PLCB4: variants seen among roughly 807,000 people sequenced by gnomAD.
The protein encoded by PLCB4 is phospholipase C beta 4.
PLCB4 carries 77 observed loss-of-function variants against 178.8 expected under a neutral mutation model. The observed-to-expected ratio is 0.43, with a 90% CI of 0.36 to 0.52. PLCB4 has a LOEUF of 0.52. Ranked by LOEUF, PLCB4 falls within the 20% of genes least tolerant of loss-of-function variation. PLCB4 has a pLI of 0.00. For missense variants in PLCB4, 1,024 were observed against 1,453.4 expected (o/e 0.70, Z 4.80); for synonymous variants, 496 against 490.8 (o/e 1.01, Z -0.14).
At chr20:9,338,115 T>G (rs1481222322) in intron 6 of PLCB4, 48 bp downstream of exon 6, 2 of 1,247,104 alleles carry the variant, frequency 1.6e-6, no homozygotes, top group African/African-American at 1.5e-5. Flanking sequence ...TTACTTATAT[T>G]GGAAATGGCC....
chr20:9,266,255 T>G (rs1033409301), intron 3 of PLCB4, among the ~76,000 whole-genome samples: 2 of 152,214 alleles, frequency 1.3e-5, no homozygotes, highest in Non-Finnish European at 2.9e-5. Context: ...TCTGCTTTTT[T>G]TTGTTGTTGT....
At chr20:9,326,406 A>G (rs538226631) in intron 4 of PLCB4, among the ~76,000 whole-genome samples, 1 of 152,266 alleles carries the variant, frequency 6.6e-6, no homozygotes, top group South Asian at 2.1e-4. Flanking sequence ...CGTTCTCTGT[A>G]TCTCACTGTC....
chr20:9,113,951 C>T (rs1217720828), intron 2 of PLCB4, among the ~76,000 whole-genome samples: 4 of 152,078 alleles, frequency 2.6e-5, no homozygotes, highest in African/African-American at 7.2e-5. Context: ...CAGTGGCTCA[C>T]GCCTGTAATC....
intron 13 of PLCB4, among the ~76,000 whole-genome samples, chr20:9,382,916 G>T (rs934721902): frequency 6.6e-6 from 1 of 152,158 alleles, no homozygotes; most frequent in African/African-American, 2.4e-5. Flanking sequence ...AAGGAAAGAG[G>T]TATACAAATT....
intron 21 of PLCB4, among the ~76,000 whole-genome samples, chr20:9,406,174 T>C (rs919955970): frequency 1.3e-5 from 2 of 152,242 alleles, no homozygotes; most frequent in East Asian, 1.9e-4. Flanking sequence ...GCATCAATCT[T>C]CTCATGTGGT....
chr20:9,361,664 T>C (rs2035344108), intron 7 of PLCB4, among the ~76,000 whole-genome samples: 1 of 152,174 alleles, frequency 6.6e-6, no homozygotes, highest in African/African-American at 2.4e-5. Flanking sequence ...TTTAACACAA[T>C]TAAAATTAAA....
intron 2 of PLCB4, among the ~76,000 whole-genome samples, chr20:9,106,817 T>C (rs140408499): frequency 9.5e-4 from 145 of 152,268 alleles, no homozygotes; most frequent in African/African-American, 3.4e-3. Flanking sequence ...TCTAGGAATT[T>C]GTTGTAAGGC....
intron 30 of PLCB4, among the ~76,000 whole-genome samples, chr20:9,443,080 A>G (rs2042207220): frequency 6.6e-6 from 1 of 152,134 alleles, no homozygotes; most frequent in Non-Finnish European, 1.5e-5. Flanking sequence ...TGCCATGACA[A>G]CACCTGGCCT....
intron 12 of PLCB4, among the ~76,000 whole-genome samples, chr20:9,374,343 A>G (rs555978494): frequency 2.6e-5 from 4 of 152,340 alleles, no homozygotes; most frequent in South Asian, 2.1e-4. Flanking sequence ...TACAATGTTC[A>G]TAATCTTTAC....
At position 9,284,147 on chromosome 20, in the gene PLCB4, T is replaced by C. The variant is rs77541391; in HGVS notation, c.-15-23653T>C. On this transcript the variant is annotated intron_variant, in intron 3 of 39. Transcript: ENST00000378473. Reference sequence around the variant, plus strand: ...TTGATGTGTGTTACGTAGAAAAATCTAGGAGGTAACAAGAAAGAGAGATCC... The same window carrying C: ...TTGATGTGTGTTACGTAGAAAAATCCAGGAGGTAACAAGAAAGAGAGATCC... Among the ~76,000 whole-genome samples, 218 of 152,132 alleles carry C rather than the reference T, an allele frequency of 1.4e-3. 4 individuals are homozygous for C. In the East Asian group the frequency reaches 0.035, roughly 24 times the overall value.
At chr20:9,146,047 A>C (rs575192409) in intron 2 of PLCB4, among the ~76,000 whole-genome samples, 1 of 152,228 alleles carries the variant, frequency 6.6e-6, no homozygotes, top group Admixed American at 6.5e-5. Flanking sequence ...AGTTCTTGCA[A>C]ATTTGGAACT....
intron 2 of PLCB4, among the ~76,000 whole-genome samples, chr20:9,119,480 T>G (rs2091889296): frequency 6.6e-6 from 1 of 151,528 alleles, no homozygotes; most frequent in African/African-American, 2.4e-5. Flanking sequence ...AGCTTGGAAC[T>G]TATCTTAGTC....
At chr20:9,424,399 A>G (rs1409708778) in intron 28 of PLCB4, among the ~76,000 whole-genome samples, 1 of 152,220 alleles carries the variant, frequency 6.6e-6, no homozygotes, top group East Asian at 1.9e-4. Context: ...AAAAAATCCT[A>G]GTCATCAATC....
chr20:9,409,527 T>C (rs1370226497), intron 24 of PLCB4, among the ~76,000 whole-genome samples: 1 of 152,224 alleles, frequency 6.6e-6, no homozygotes, highest in Non-Finnish European at 1.5e-5. Context: ...GTGAAAAGAA[T>C]TTGAGTATCT....
intron 21 of PLCB4, among the ~76,000 whole-genome samples, chr20:9,405,555 A>T (rs2039376235): frequency 6.6e-6 from 1 of 152,214 alleles, no homozygotes; most frequent in African/African-American, 2.4e-5. Flanking sequence ...TCATTCCTGC[A>T]GTGGAACTAC....
intron 2 of PLCB4, among the ~76,000 whole-genome samples, chr20:9,097,671 A>G (rs921016790): frequency 2.6e-5 from 4 of 152,068 alleles, no homozygotes; most frequent in Non-Finnish European, 2.9e-5. Context: ...AAGAATGACC[A>G]TTCACCTCCA....
At chr20:9,069,932 C>T (rs2089481597) in intron 1 of PLCB4, among the ~76,000 whole-genome samples, 1 of 152,182 alleles carries the variant, frequency 6.6e-6, no homozygotes, top group Non-Finnish European at 1.5e-5. Context: ...CCCTACTCTT[C>T]CAACTTTTTT....
At chr20:9,187,430 C>T (rs774600277) in intron 2 of PLCB4, among the ~76,000 whole-genome samples, 4 of 152,202 alleles carry the variant, frequency 2.6e-5, no homozygotes, top group Non-Finnish European at 5.9e-5. Context: ...GACACTTACT[C>T]TTCTGTCTTC....
intron 3 of PLCB4, among the ~76,000 whole-genome samples, chr20:9,260,074 G>T (rs1281715924): frequency 2.0e-5 from 3 of 151,868 alleles, no homozygotes; most frequent in African/African-American, 4.8e-5. Flanking sequence ...TCCCAGAAGT[G>T]GACCAGGGTG....
Sources: gnomAD v4.1 joint callset for allele counts (sites outside exome capture counted in the v4.1 genomes callset) on GRCh38, gnomAD v4.1.1 for gene constraint, MANE v1.5 for transcripts, NCBI Gene and HGNC (gene_info 2026-07-23, HGNC 2026-07-21) for gene names.